Variants in PCDH9 observed in about 807,000 individuals in gnomAD.
The protein encoded by PCDH9 is protocadherin-9.
A neutral mutation model predicts 70.6 loss-of-function variants in PCDH9; 24 were observed. That is an observed-to-expected ratio of 0.34 (90% CI 0.25 to 0.48). The LOEUF is 0.48. Among genes scored for constraint, PCDH9 ranks in the 20% least tolerant of loss-of-function variants. PCDH9 has a pLI of 0.99. For missense variants in PCDH9, 1,281 were observed against 1,503.6 expected (o/e 0.85, Z 2.45); for synonymous variants, 562 against 558.5 (o/e 1.01, Z -0.09).
At chr13:67,134,694 C>T (rs769497555) in intron 2 of PCDH9, among the ~76,000 whole-genome samples, 1 of 152,070 alleles carries the variant, frequency 6.6e-6, no homozygotes, top group Non-Finnish European at 1.5e-5. Flanking sequence ...TTTGAAAATA[C>T]TGCCAAACAG....
intron 3 of PCDH9, among the ~76,000 whole-genome samples, chr13:66,639,698 C>T (rs531982293): frequency 6.6e-6 from 1 of 152,290 alleles, no homozygotes; most frequent in South Asian, 2.1e-4. Context: ...AGTTCTGAAT[C>T]AACTTCCCTT....
intron 3 of PCDH9, among the ~76,000 whole-genome samples, chr13:66,703,200 A>G (rs2078669096): frequency 6.8e-6 from 1 of 146,356 alleles, no homozygotes; most frequent in Non-Finnish European, 1.5e-5. Flanking sequence ...AATGTATTGT[A>G]TTATCACTGC....
At chr13:66,573,417 G>A (rs540192547) in intron 4 of PCDH9, among the ~76,000 whole-genome samples, 13 of 151,962 alleles carry the variant, frequency 8.6e-5, no homozygotes, top group South Asian at 6.3e-4. Flanking sequence ...TGTTACTTGC[G>A]TAAATGTATT....
chr13:66,590,626 T>C (rs2077026321), intron 4 of PCDH9, among the ~76,000 whole-genome samples: 1 of 151,878 alleles, frequency 6.6e-6, no homozygotes, highest in Non-Finnish European at 1.5e-5. Flanking sequence ...AATTGTAACA[T>C]AACACTGTTT....
At chr13:66,858,716 A>G (rs1375260762) in intron 3 of PCDH9, among the ~76,000 whole-genome samples, 3 of 152,096 alleles carry the variant, frequency 2.0e-5, no homozygotes, top group Non-Finnish European at 2.9e-5. Flanking sequence ...TATTCCTAGA[A>G]ATTTCTATTT....
chr13:66,417,001 G>A (rs554825851), intron 4 of PCDH9, among the ~76,000 whole-genome samples: 1 of 152,250 alleles, frequency 6.6e-6, no homozygotes, highest in African/African-American at 2.4e-5. Flanking sequence ...ATAATCCTGA[G>A]TAGGACAAGT....
chr13:66,926,028 C>T (rs1366825981), intron 2 of PCDH9, among the ~76,000 whole-genome samples: 1 of 151,902 alleles, frequency 6.6e-6, no homozygotes, highest in Non-Finnish European at 1.5e-5. Flanking sequence ...AGTTTCCTCA[C>T]GTATTTCACA....
At chr13:67,212,432 A>G (rs1220575022) in intron 2 of PCDH9, 1 of 151,940 alleles carries the variant, frequency 6.6e-6, no homozygotes, top group Non-Finnish European at 1.5e-5. Flanking sequence ...ACCAAAGACA[A>G]TTTTTTTTAT....
At chr13:66,786,774 C>T (rs2080086187) in intron 3 of PCDH9, among the ~76,000 whole-genome samples, 1 of 152,014 alleles carries the variant, frequency 6.6e-6, no homozygotes, top group Admixed American at 6.6e-5. Context: ...ACAATTAAGA[C>T]AGACATTAAA....
intron 4 of PCDH9, among the ~76,000 whole-genome samples, chr13:66,562,875 C>T (rs919812447): frequency 3.9e-5 from 6 of 152,072 alleles, no homozygotes; most frequent in African/African-American, 1.4e-4. Flanking sequence ...TGCTTATACT[C>T]CTCATTCATA....
intron 4 of PCDH9, among the ~76,000 whole-genome samples, chr13:66,588,394 G>T (rs2138806938): frequency 6.6e-6 from 1 of 151,998 alleles, no homozygotes; most frequent in Non-Finnish European, 1.5e-5. Context: ...AGAGCGTTGA[G>T]ATGAATGCCA....
intron 4 of PCDH9, among the ~76,000 whole-genome samples, chr13:66,475,753 G>A (rs539435069): frequency 2.6e-5 from 4 of 152,140 alleles, no homozygotes; most frequent in East Asian, 1.9e-4. Flanking sequence ...ACAGCTGTAC[G>A]CCCAGAAAGG....
intron 3 of PCDH9, among the ~76,000 whole-genome samples, chr13:66,689,790 A>T (rs2078456359): frequency 6.6e-6 from 1 of 152,194 alleles, no homozygotes; most frequent in Non-Finnish European, 1.5e-5. Flanking sequence ...ACTAAGCAAG[A>T]TTCACGAGCT....
intron 4 of PCDH9, among the ~76,000 whole-genome samples, chr13:66,352,352 T>C (rs915683728): frequency 2.0e-5 from 3 of 152,198 alleles, no homozygotes; most frequent in Admixed American, 1.3e-4. Flanking sequence ...TCTATATAAC[T>C]GTATTTGCCT....
intron 2 of PCDH9, among the ~76,000 whole-genome samples, chr13:67,070,841 C>A (rs990800914): frequency 6.6e-6 from 1 of 152,038 alleles, no homozygotes; most frequent in African/African-American, 2.4e-5. Context: ...CATTGGTACT[C>A]ACAGTTTATA....
intron 3 of PCDH9, among the ~76,000 whole-genome samples, chr13:66,691,536 T>C (rs2078485846): frequency 1.3e-5 from 2 of 152,160 alleles, no homozygotes; most frequent in South Asian, 4.1e-4. Flanking sequence ...AAATACTTGA[T>C]TTTTTTACTA....
At chr13:66,640,497 A>T (rs2077694512) in intron 3 of PCDH9, among the ~76,000 whole-genome samples, 1 of 150,828 alleles carries the variant, frequency 6.6e-6, no homozygotes, top group African/African-American at 2.4e-5. Context: ...CCAGACTGGT[A>T]AAAAAGTTTA....
chr13:66,359,413 G>A (rs1346901916), intron 4 of PCDH9, among the ~76,000 whole-genome samples: 1 of 151,802 alleles, frequency 6.6e-6, no homozygotes, highest in Non-Finnish European at 1.5e-5. Flanking sequence ...GGTGGGTGCC[G>A]GTTGTTTTTT....
intron 3 of PCDH9, among the ~76,000 whole-genome samples, chr13:66,790,367 T>C (rs183526220): frequency 1.3e-5 from 2 of 152,204 alleles, no homozygotes; most frequent in Admixed American, 1.3e-4. Context: ...AAGTTGCAAA[T>C]ATCTTCTAGC....
Sources: gnomAD v4.1 joint callset for allele counts (sites outside exome capture counted in the v4.1 genomes callset) on GRCh38, gnomAD v4.1.1 for gene constraint, MANE v1.5 for transcripts, NCBI Gene and HGNC (gene_info 2026-07-23, HGNC 2026-07-21) for gene names.